Variants in ARHGAP26 observed in about 807,000 individuals in gnomAD.
ARHGAP26 encodes the protein rho GTPase-activating protein 26.
Under a neutral mutation model 104.8 loss-of-function variants are expected in ARHGAP26, and 38 were observed. The ratio of observed to expected loss-of-function variants is 0.36; its 90% CI spans 0.28 to 0.48. The LOEUF is 0.48. Among genes scored for constraint, ARHGAP26 ranks in the 20% least tolerant of loss-of-function variants. The probability of loss-of-function intolerance (pLI) is 0.99; values close to 1 mark genes in which losing one functional copy is unlikely to be tolerated. For synonymous variants in ARHGAP26, 341 were observed against 340.0 expected, an observed-to-expected ratio of 1.00 and a Z score of -0.03; for missense variants, 704 against 947.9, an observed-to-expected ratio of 0.74 and a Z score of 3.38.
chr5:143,151,818 C>T (rs746763368), intron 20 of ARHGAP26, among the ~76,000 whole-genome samples: 1 of 152,000 alleles, frequency 6.6e-6, no homozygotes, highest in Non-Finnish European at 1.5e-5. Flanking sequence ...ATTAGCTGGG[C>T]ATGATGGTGT....
intron 3 of ARHGAP26, among the ~76,000 whole-genome samples, chr5:142,877,135 T>C (rs1756243290): frequency 6.6e-6 from 1 of 152,198 alleles, no homozygotes; most frequent in Non-Finnish European, 1.5e-5. Flanking sequence ...ACTTTTCAGC[T>C]TGCCTCTGCA....
intron 7 of ARHGAP26, among the ~76,000 whole-genome samples, chr5:142,902,901 G>T (rs1760567128): frequency 6.6e-6 from 1 of 152,236 alleles, no homozygotes; most frequent in Non-Finnish European, 1.5e-5. Context: ...ACCTGTGACA[G>T]AGTGAGGGCA....
intron 11 of ARHGAP26, among the ~76,000 whole-genome samples, chr5:142,999,241 A>C (rs1776861424): frequency 6.6e-6 from 1 of 152,156 alleles, no homozygotes; most frequent in African/African-American, 2.4e-5. Flanking sequence ...TGCCCATTCA[A>C]ATCATAGCTT....
intron 21 of ARHGAP26, among the ~76,000 whole-genome samples, chr5:143,213,075 G>A (rs1809764311): frequency 1.3e-5 from 2 of 152,178 alleles, no homozygotes; most frequent in Non-Finnish European, 2.9e-5. Context: ...AACCCAGGAG[G>A]CGGAGCTTGC....
At chr5:142,789,912 T>G (rs1759455604) in intron 1 of ARHGAP26, among the ~76,000 whole-genome samples, 1 of 152,212 alleles carries the variant, frequency 6.6e-6, no homozygotes, top group Admixed American at 6.5e-5. Flanking sequence ...GTCATTTTAG[T>G]TATAACAACC....
At chr5:142,878,545 G>C (rs1315876766) in intron 3 of ARHGAP26, among the ~76,000 whole-genome samples, 1 of 55,516 alleles carries the variant, frequency 1.8e-5, no homozygotes, top group Non-Finnish European at 2.7e-5. Context: ...GTGCACGCAT[G>C]TGTGTGTGTG....
At chr5:142,975,734 C>G (rs1273470786) in intron 11 of ARHGAP26, among the ~76,000 whole-genome samples, 1 of 152,076 alleles carries the variant, frequency 6.6e-6, no homozygotes, top group Non-Finnish European at 1.5e-5. Context: ...CCCAGCGTCC[C>G]TGAGATTACT....
At chr5:142,919,279 A>T (rs1350755814) in intron 10 of ARHGAP26, 3 of 398,522 alleles carry the variant, frequency 7.5e-6, no homozygotes, top group Non-Finnish European at 1.3e-5. Flanking sequence ...GCAGAAGTCG[A>T]GGTGATGCAC....
chr5:143,190,027 AGGGGG>A (rs10597676), intron 20 of ARHGAP26, among the ~76,000 whole-genome samples: 3 of 145,642 alleles, frequency 2.1e-5, no homozygotes, highest in African/African-American at 2.5e-5. Flanking sequence ...GGACAGAAGG[AGGGGG>A]GGGAAAAAAA....
At chr5:142,984,155 G>C (rs1231674747) in intron 11 of ARHGAP26, among the ~76,000 whole-genome samples, 5 of 152,188 alleles carry the variant, frequency 3.3e-5, no homozygotes, top group Non-Finnish European at 7.3e-5. Context: ...TGTGGTTCAG[G>C]CAGGGAGAAG....
chr5:143,112,035 C>T (rs1794841364), intron 17 of ARHGAP26, among the ~76,000 whole-genome samples: 1 of 152,208 alleles, frequency 6.6e-6, no homozygotes, highest in African/African-American at 2.4e-5. Context: ...GATACGCAAA[C>T]TGCTAGGCAC....
At chr5:143,067,155 G>A (rs1174647139) in intron 17 of ARHGAP26, among the ~76,000 whole-genome samples, 2 of 152,104 alleles carry the variant, frequency 1.3e-5, no homozygotes, top group Non-Finnish European at 2.9e-5. Context: ...GTTATATCAT[G>A]AAGACTCATC....
At chr5:142,880,812 T>C (rs1756888049) in intron 4 of ARHGAP26, among the ~76,000 whole-genome samples, 1 of 152,098 alleles carries the variant, frequency 6.6e-6, no homozygotes, top group Non-Finnish European at 1.5e-5. Context: ...TTTCTGGAAA[T>C]AGATATGATT....
intron 1 of ARHGAP26, among the ~76,000 whole-genome samples, chr5:142,773,151 G>T (rs1028631889): frequency 6.6e-6 from 1 of 152,120 alleles, no homozygotes; most frequent in African/African-American, 2.4e-5. Context: ...GATATCATGA[G>T]ATGCTTGCTG....
chr5:143,111,701 T>C (rs1794787173), intron 17 of ARHGAP26, among the ~76,000 whole-genome samples: 1 of 152,226 alleles, frequency 6.6e-6, no homozygotes, highest in Admixed American at 6.5e-5. Flanking sequence ...GATCCTGGTA[T>C]AGTAGTGTGA....
At chr5:143,071,153 A>G (rs1038488418) in intron 17 of ARHGAP26, among the ~76,000 whole-genome samples, 1 of 152,120 alleles carries the variant, frequency 6.6e-6, no homozygotes, top group African/African-American at 2.4e-5. Flanking sequence ...GAACCCCTAA[A>G]TTAATCTGAA....
At chr5:143,212,966 A>G (rs1036143608) in intron 21 of ARHGAP26, among the ~76,000 whole-genome samples, 4 of 152,158 alleles carry the variant, frequency 2.6e-5, no homozygotes, top group African/African-American at 9.7e-5. Context: ...TAACACGGTG[A>G]AACCCTGTCT....
At chr5:142,807,464 G>C (rs578058693) in intron 1 of ARHGAP26, among the ~76,000 whole-genome samples, 58 of 152,308 alleles carry the variant, frequency 3.8e-4, no homozygotes, top group African/African-American at 1.3e-3. Context: ...CTGTGCTGCT[G>C]AGGTCTTGTG....
intron 1 of ARHGAP26, among the ~76,000 whole-genome samples, chr5:142,830,845 A>G (rs1400281257): frequency 6.6e-6 from 1 of 152,024 alleles, no homozygotes; most frequent in Non-Finnish European, 1.5e-5. Context: ...AGTTTGTATC[A>G]TTTTCCTTGA....
Sources: allele counts gnomAD v4.1 joint callset (sites outside exome capture counted in the v4.1 genomes callset), GRCh38; gene constraint gnomAD v4.1.1; transcripts MANE v1.5; gene names NCBI Gene and HGNC (gene_info 2026-07-23, HGNC 2026-07-21).